The following SLC13A3 variants were observed in gnomAD, a reference collection of about 807,000 sequenced individuals.
SLC13A3 encodes Na(+)/dicarboxylate cotransporter 3.
Under a neutral mutation model 59.0 loss-of-function variants are expected in SLC13A3, and 40 were observed. The ratio of observed to expected loss-of-function variants is 0.68; its 90% CI spans 0.53 to 0.88. SLC13A3 has a LOEUF of 0.88. SLC13A3 is among the 40% of genes least tolerant of loss of function. SLC13A3 has a pLI of 0.00. For missense variants in SLC13A3, 699 were observed against 783.2 expected (o/e 0.89, Z 1.28); for synonymous variants, 317 against 330.3 (o/e 0.96, Z 0.44).
chr20:46,654,722 G>A (rs1477376157), upstream of SLC13A3, among the ~76,000 whole-genome samples: 1 of 152,090 alleles, frequency 6.6e-6, no homozygotes, highest in East Asian at 1.9e-4. Context: ...GTAGAGACGG[G>A]TTTACACCAT....
At chr20:46,583,238 T>C (rs1323050083) in intron 9 of SLC13A3, 2 of 571,402 alleles carry the variant, frequency 3.5e-6, no homozygotes, top group Non-Finnish European at 4.5e-6. Context: ...CACTGAAATT[T>C]AGATTTCATG....
At chr20:46,586,431 T>G (rs2062192173) in intron 8 of SLC13A3, among the ~76,000 whole-genome samples, 2 of 152,204 alleles carry the variant, frequency 1.3e-5, no homozygotes, top group East Asian at 3.9e-4. Flanking sequence ...TTCCTCATGG[T>G]CTATACTCTA....
At chr20:46,610,325 G>T in intron 3 of SLC13A3, 121 bp downstream of exon 3, 1 of 882,782 alleles carries the variant, frequency 1.1e-6, no homozygotes, top group South Asian at 1.7e-5. Context: ...TAAAACACCT[G>T]ACGCATAGTA....
chr20:46,575,702 A>AT lies in SLC13A3; in HGVS notation c.1220-18dup. 1 of 1,515,582 alleles carries AT rather than the reference A, an allele frequency of 6.6e-7. No individual in the cohort carries two copies. Among genetic ancestry groups the AT allele is most frequent in the Non-Finnish European group, 9.0e-7 (1 of 1,108,706 alleles). 93.9% of individuals were successfully genotyped at this position (1,515,582 alleles called of 1,614,324 possible). ...TGTTGGGAGCTGGGCAGAGAGAGGGATTCAGCACACACTCAGGGCCGCTCA... is the reference window on the plus strand; with the variant it reads ...TGTTGGGAGCTGGGCAGAGAGAGGGATTTCAGCACACACTCAGGGCCGCTCA... On this transcript the variant is annotated splice_polypyrimidine_tract_variant and intron_variant, in intron 9 of 12. Coordinates refer to ENST00000279027, the MANE Select transcript of SLC13A3 (RefSeq NM_022829.6).
At chr20:46,643,781 T>G (rs1222221024) in intron 1 of SLC13A3, among the ~76,000 whole-genome samples, 2 of 152,196 alleles carry the variant, frequency 1.3e-5, no homozygotes, top group Non-Finnish European at 2.9e-5. Flanking sequence ...CAGTTGCTCG[T>G]GCCTGTAATC....
intron 3 of SLC13A3, among the ~76,000 whole-genome samples, chr20:46,610,004 C>G (rs1043008701): frequency 1.3e-5 from 2 of 152,196 alleles, no homozygotes; most frequent in Admixed American, 6.5e-5. Context: ...CACGAAAGTT[C>G]CTGTGGCCCC....
At chr20:46,600,095 C>A in intron 3 of SLC13A3, 58 bp from the exon 4 acceptor site, 1 of 1,329,506 alleles carries the variant, frequency 7.5e-7, no homozygotes, top group Non-Finnish European at 1.0e-6. Flanking sequence ...CAGGAGTGTC[C>A]CAAATCTTGT....
At chr20:46,598,778 T>C (rs2062342110) in intron 4 of SLC13A3, among the ~76,000 whole-genome samples, 1 of 152,170 alleles carries the variant, frequency 6.6e-6, no homozygotes, top group South Asian at 2.1e-4. Context: ...CCACATGCTC[T>C]GTCCTCCACC....
At chr20:46,595,982 C>T (rs763710182) in intron 5 of SLC13A3, among the ~76,000 whole-genome samples, 175 bp downstream of exon 5, 4 of 152,166 alleles carry the variant, frequency 2.6e-5, no homozygotes, top group African/African-American at 9.7e-5. Context: ...CTGTCTCTCC[C>T]GCCAGAATGG....
intron 7 of SLC13A3, among the ~76,000 whole-genome samples, chr20:46,588,697 A>G (rs1180629450): frequency 6.6e-6 from 1 of 152,072 alleles, no homozygotes; most frequent in East Asian, 1.9e-4. Context: ...CAGTTACCCA[A>G]TGTACCCATT....
chr20:46,660,906 C>G (rs573090517), intron 1 of SLC13A3, among the ~76,000 whole-genome samples: 8 of 152,064 alleles, frequency 5.3e-5, no homozygotes, highest in African/African-American at 1.9e-4. Flanking sequence ...TTTGTTGTGC[C>G]CAGTCTCTTA....
intron 1 of SLC13A3, among the ~76,000 whole-genome samples, chr20:46,616,131 C>T (rs2062551724): frequency 1.3e-5 from 2 of 152,176 alleles, no homozygotes; most frequent in Admixed American, 1.3e-4. Context: ...GATTTGTCAT[C>T]ATCCTTTCAG....
chr20:46,615,831 A>C (rs1767547173), intron 1 of SLC13A3, among the ~76,000 whole-genome samples: 1 of 152,200 alleles, frequency 6.6e-6, no homozygotes, highest in Admixed American at 6.5e-5. Flanking sequence ...GATGTGCAAA[A>C]AGTCTCCCGC....
intron 1 of SLC13A3, among the ~76,000 whole-genome samples, chr20:46,637,735 G>A (rs2062808710): frequency 6.6e-6 from 1 of 152,246 alleles, no homozygotes. Flanking sequence ...TCATTTTACA[G>A]AGGAGGAGAC....
At chr20:46,592,574 C>G in intron 5 of SLC13A3, 45 bp from the exon 6 acceptor site, 3 of 1,609,022 alleles carry the variant, frequency 1.9e-6, no homozygotes, top group Non-Finnish European at 2.5e-6. Context: ...GCAGCCATGC[C>G]CATTTTGGGA....
intron 1 of SLC13A3, among the ~76,000 whole-genome samples, chr20:46,666,011 G>C (rs1374168189): frequency 2.6e-5 from 4 of 152,208 alleles, no homozygotes. Flanking sequence ...AACAGCAGAG[G>C]TGGTAGGAAA....
Position 46,643,387 on chromosome 20 carries a change from C to T in SLC13A3, c.111+7924G>A, listed in dbSNP as rs372786682. ...GGCCTTTTCGGAGGTAAGATCTGAACGGAGATCAATGAAGGGAAGGAGCAA... is the reference window on the plus strand; with the variant it reads ...GGCCTTTTCGGAGGTAAGATCTGAATGGAGATCAATGAAGGGAAGGAGCAA... On this transcript the variant is annotated intron_variant, in intron 1 of 12. Coordinates refer to ENST00000279027, the MANE Select transcript of SLC13A3 (RefSeq NM_022829.6). 4.6e-5 allele frequency among the ~76,000 whole-genome samples: 7 copies of T among 152,104 alleles called. No homozygotes were observed. The East Asian group carries it at 5.8e-4, about 13-fold the overall frequency.
chr20:46,562,579 A>T (rs866413711), intron 12 of SLC13A3, among the ~76,000 whole-genome samples: 16 of 152,254 alleles, frequency 1.1e-4, no homozygotes, highest in African/African-American at 1.9e-4. Flanking sequence ...AATTTAGGAA[A>T]ATCTGCTGAA....
intron 9 of SLC13A3, chr20:46,582,771 T>G: frequency 1.0e-6 from 1 of 985,420 alleles, no homozygotes; most frequent in African/African-American, 1.7e-5. Flanking sequence ...AGTTTGATTA[T>G]AGTCCCTATT....
Sources: allele counts gnomAD v4.1 joint callset (sites outside exome capture counted in the v4.1 genomes callset), GRCh38; gene constraint gnomAD v4.1.1; transcripts MANE v1.5; gene names NCBI Gene and HGNC (gene_info 2026-07-23, HGNC 2026-07-21).